ESRP2: variants seen among roughly 807,000 people sequenced by gnomAD.
The protein encoded by ESRP2 is RNA binding motif protein 35A.
Under a neutral mutation model 78.6 loss-of-function variants are expected in ESRP2, and 48 were observed. The observed-to-expected ratio is 0.61, with a 90% CI of 0.48 to 0.78. The LOEUF is 0.78. Ranked by LOEUF, ESRP2 falls within the 30% of genes least tolerant of loss-of-function variation. ESRP2 has a pLI of 0.00. For synonymous variants in ESRP2, 383 were observed against 406.7 expected (o/e 0.94, Z 0.70); for missense variants, 863 against 965.9 (o/e 0.89, Z 1.41).
In ESRP2 at chr16:68,230,554, G is replaced by A; in HGVS notation, c.1899C>T (p.Ser633=). 2 of 1,560,232 alleles carry A rather than the reference G, an allele frequency of 1.3e-6. No individual in the cohort carries two copies. Among genetic ancestry groups the A allele is most frequent in the Middle Eastern group, 1.8e-4 (1 of 5,636 alleles). ...LYLNYTAYYP[S]PPVSPTTVGY... is the part of the protein sequence containing the mutation. ...CCACAGTGGTGGGGGAGACTGGGGG[G>A]CTAGGGTGGGAGAGACAAGGTTTAG... The change falls in exon 14 of 15, where the codon AGC becomes AGT. Residue 633 remains serine, a splice_region_variant and synonymous_variant. Coordinates refer to ENST00000473183, the MANE Select transcript of ESRP2 (RefSeq NM_024939.3).
In ESRP2 at chr16:68,230,461, G is replaced by A. The variant is rs1456920507; in HGVS notation, c.1992C>T (p.Ala664=). 4.3e-6 allele frequency: 7 copies of A among 1,612,828 alleles called. No homozygotes were observed. In the East Asian group the frequency reaches 8.9e-5, roughly 21 times the overall value. ...APTSVLSQSG[A]LVRMQGVPYT... ...ATGGGACACCCTGCATGCGGACCAAGGCTCCTGACTGGGACAACACTGAGG... is the reference window on the plus strand; with the variant it reads ...ATGGGACACCCTGCATGCGGACCAAAGCTCCTGACTGGGACAACACTGAGG... The change falls in exon 14 of 15, where the codon GCC becomes GCT. Residue 664 remains alanine, a synonymous_variant. Coordinates refer to ENST00000473183, the MANE Select transcript of ESRP2 (RefSeq NM_024939.3).
At position 68,231,000 on chromosome 16, in the gene ESRP2, AAGGTGGTGTAGGT is replaced by A; in HGVS notation, c.1726_1738del (p.Thr576SerfsTer46). 1 of 1,598,244 alleles carries A rather than the reference AAGGTGGTGTAGGT, an allele frequency of 6.3e-7. No individual in the cohort carries two copies. The highest frequency in any genetic ancestry group is 8.5e-7 in the Non-Finnish European group (1 of 1,172,354). ...GGGAATGAGCGTTGGGGTGGCTTGG[AAGGTGGTGTAGGT>A]AGGTGGTGAGAGGCCTAGAGACGGA... On this transcript the variant is annotated frameshift_variant, in exon 13 of 15. Coordinates refer to ENST00000473183, the MANE Select transcript of ESRP2 (RefSeq NM_024939.3). LOFTEE classifies it high-confidence loss of function.
chr16:68,234,315 T>A (rs2042191541), intron 2 of ESRP2: 1 of 569,884 alleles, frequency 1.8e-6, no homozygotes. Flanking sequence ...CACTGTCACC[T>A]CCTCCAGGCC....
In ESRP2 at chr16:68,234,107, A is replaced by C; in HGVS notation, c.328T>G (p.Phe110Val). Residue 110 changes from phenylalanine to valine, a missense_variant and splice_region_variant, in exon 3 of 15, where the codon TTC becomes GTC. By Grantham distance (50) the Phe-to-Val change is conservative. Transcript: ENST00000473183. ...ACATCCCCGTTCACCAGCTGTGAGA[A>C]CTGGGGATAGGGAATGGGGAGAGAG... is the stretch of plus-strand genomic sequence containing the variant. Reference protein sequence around the residue: ...AEPLDKVLQQFSQLVNGDVAL... With the variant: ...AEPLDKVLQQVSQLVNGDVAL... 2 of 1,607,126 alleles carry C rather than the reference A, an allele frequency of 1.2e-6. No individual in the cohort carries two copies. Among genetic ancestry groups the C allele is most frequent in the Non-Finnish European group, 1.7e-6 (2 of 1,176,390 alleles).
rs2042184016 is a variant in ESRP2, at chr16:68,233,880, G to A, written c.444C>T (p.Asn148=). 1 of 1,613,616 alleles carries A rather than the reference G, an allele frequency of 6.2e-7. No homozygotes were observed. The highest frequency in any genetic ancestry group is 8.5e-7 in the Non-Finnish European group (1 of 1,179,608). The part of the protein sequence containing the change: ...QVLHPEASRK[N]LVLPDMFFSF... Reference sequence around the variant, plus strand: ...AGAAGAACATGTCGGGGAGCACCAGGTTCTGGGGGCACATAGGATTGAGGA... The same window carrying A: ...AGAAGAACATGTCGGGGAGCACCAGATTCTGGGGGCACATAGGATTGAGGA... Residue 148 remains asparagine (N), a splice_region_variant and synonymous_variant, in exon 4 of 15, where the codon AAC becomes AAT. Coordinates refer to ENST00000473183, the MANE Select transcript of ESRP2 (RefSeq NM_024939.3).
intron 5 of ESRP2, chr16:68,233,122 C>T (rs1478956675): frequency 3.3e-6 from 2 of 611,232 alleles, no homozygotes; most frequent in Admixed American, 5.9e-5. Flanking sequence ...TCGCTTGAAC[C>T]CGGAAAGTGG....
rs753530681 is a variant in ESRP2 at position 68,235,881 on chromosome 16, T to A, written c.165A>T (p.Leu55=). The A allele has an allele frequency of 6.8e-6, 11 of 1,611,258 alleles. No homozygotes were observed. The East Asian group carries it at 2.5e-4, about 36-fold the overall frequency. Residue 55 remains leucine, a synonymous_variant, in exon 1 of 15, where the codon CTA becomes CTT. Transcript: ENST00000473183. The surrounding 1 kb of genome is among the most constrained non-coding windows in gnomAD (Gnocchi z 5.5). The part of the protein sequence containing the change: ...LGSDETDLIL[L]VWQVVEPRSR... ...TCCGCGGCTCAACCACTTGCCAAACTAGGAGGATTAAGTCGGTCTCGTCCG... is the reference window on the plus strand; with the variant it reads ...TCCGCGGCTCAACCACTTGCCAAACAAGGAGGATTAAGTCGGTCTCGTCCG...
chr16:68,231,216 C>T lies in ESRP2; in HGVS notation c.1673G>A (p.Gly558Asp), dbSNP rs1212384012. ...GGGTGGAGGGGACATGCCACTGCGG[C>T]CCAAGGTGCCCCCCATCAGCACTCG... is the stretch of plus-strand genomic sequence containing the variant. ...MSRVLMGGTLGRSGMSPPPCK... is the reference protein window; with the variant it reads ...MSRVLMGGTLDRSGMSPPPCK... Residue 558 changes from glycine (G) to aspartate (D), a missense_variant, in exon 12 of 15, where the codon GGC (glycine) becomes GAC (aspartate). Physicochemically the swap from Gly to Asp is moderately conservative, Grantham distance 94 (BLOSUM62 -1). Coordinates refer to ENST00000473183, the MANE Select transcript of ESRP2 (RefSeq NM_024939.3). The surrounding 1 kb of genome is among the most constrained non-coding windows in gnomAD (Gnocchi z 6.0). 6.2e-7 allele frequency: 1 copy of T among 1,613,638 alleles called. No homozygotes were observed. Among genetic ancestry groups the T allele is most frequent in the African/African-American group, 1.3e-5 (1 of 74,886 alleles).
rs1161529145 is a variant in ESRP2 at position 68,232,880 on chromosome 16, C to T, written c.656-65G>A. 4 of 1,605,998 alleles carry T rather than the reference C, an allele frequency of 2.5e-6. No individual in the cohort carries two copies. The African/African-American group carries it at 4.0e-5, about 16-fold the overall frequency. On this transcript the variant is annotated intron_variant, in intron 5 of 14. Coordinates refer to ENST00000473183, the MANE Select transcript of ESRP2 (RefSeq NM_024939.3). The surrounding 1 kb of genome is among the most constrained non-coding windows in gnomAD (Gnocchi z 5.2). ...AGAGGGGTGTCCCCACCAAGTTCTG[C>T]AAAAAGTGGACAATTGAGAGAGATG...
At chr16:68,233,951 TACTG>T (rs2042185793) in intron 3 of ESRP2, 39 bp downstream of exon 3, 10 of 1,608,392 alleles carry the variant, frequency 6.2e-6, no homozygotes, top group South Asian at 5.5e-5. Context: ...CTGGGAACCT[TACTG>T]ACCACCCCAC....
rs1280232704 is a variant in ESRP2, at chr16:68,231,955, G to T, written c.1146C>A (p.Leu382=). The T allele has an allele frequency of 1.2e-6, 2 of 1,614,090 alleles. No individual in the cohort carries two copies. The highest frequency in any genetic ancestry group is 3.3e-5 in the Admixed American group (2 of 60,018). The part of the protein sequence containing the change: ...CPVTGGTEGL[L]FVRHPDGRPT... Reference sequence around the variant, plus strand: ...GCCGGCCATCAGGATGGCGCACAAAGAGCAGCCCCTCGGTACCCCCAGTCA... The same window carrying T: ...GCCGGCCATCAGGATGGCGCACAAATAGCAGCCCCTCGGTACCCCCAGTCA... Residue 382 remains leucine, a synonymous_variant, in exon 10 of 15, where the codon CTC becomes CTA. Transcript: ENST00000473183. The surrounding 1 kb of genome is among the most constrained non-coding windows in gnomAD (Gnocchi z 6.0).
rs1194703637 is a variant in ESRP2, at chr16:68,232,796, G to A, written c.675C>T (p.Pro225=). 5.6e-6 allele frequency: 9 copies of A among 1,614,142 alleles called. No homozygotes were observed. Among genetic ancestry groups the A allele is most frequent in the Admixed American group, 3.3e-5 (2 of 60,024 alleles). The part of the protein sequence containing the change: ...KEPSSQLFSK[P]EVIKQKYETG... ...TCTCGTATTTCTGCTTTATCACCTC[G>A]GGCTTCGAAAACAATTGACCTGAGA... is the stretch of plus-strand genomic sequence containing the variant. The change falls in exon 6 of 15, where the codon CCC becomes CCT. Residue 225 remains proline (P), a synonymous_variant. Coordinates refer to ENST00000473183, the MANE Select transcript of ESRP2 (RefSeq NM_024939.3). This position sits in a 1 kb window ranked among gnomAD's most constrained non-coding sequence, Gnocchi z 5.2.
Position 68,231,496 on chromosome 16 carries a change from C to T in ESRP2, c.1498G>A (p.Val500Met), listed in dbSNP as rs1287994453. 1 of 1,614,052 alleles carries T rather than the reference C, an allele frequency of 6.2e-7. No homozygotes were observed. The highest frequency in any genetic ancestry group is 2.2e-5 in the East Asian group (1 of 44,866). Residue 500 changes from valine (V) to methionine (M), a missense_variant, in exon 11 of 15, where the codon GTG becomes ATG. Coordinates refer to ENST00000473183, the MANE Select transcript of ESRP2 (RefSeq NM_024939.3). This position sits in a 1 kb window ranked among gnomAD's most constrained non-coding sequence, Gnocchi z 6.0. Reference protein sequence around the residue: ...ADIRPHGVHMVLNQQGRPSGD... With the variant: ...ADIRPHGVHMMLNQQGRPSGD... ...AGTGGCTTCACCTGCTGGTTGAGCA[C>T]CATGTGTACACCGTGGGGCCGAATG... is the stretch of plus-strand genomic sequence containing the variant.
In ESRP2 at chr16:68,232,979, A is replaced by G. The variant is rs929776898; in HGVS notation, c.656-164T>C. ...TTTGGGAGGCCAAGGTGGGTGGATC[A>G]TTTGAGGTCAGGAGTTCCAGACCAG... is the stretch of plus-strand genomic sequence containing the variant. On this transcript the variant is annotated intron_variant, in intron 5 of 14. Coordinates refer to ENST00000473183, the MANE Select transcript of ESRP2 (RefSeq NM_024939.3). This position sits in a 1 kb window ranked among gnomAD's most constrained non-coding sequence, Gnocchi z 5.2. Among the ~76,000 whole-genome samples the G allele has an allele frequency of 5.5e-4, 83 of 152,172 alleles. No homozygotes were observed. The highest frequency in any genetic ancestry group is 2.6e-4 in the Non-Finnish European group (18 of 68,026).
In ESRP2 at chr16:68,235,256, GGTGACCTATAT is replaced by G. The variant is rs1445594185; in HGVS notation, c.327+367_327+377del. 1 of 985,338 alleles carries G rather than the reference GGTGACCTATAT, an allele frequency of 1.0e-6. No homozygotes were observed. Among genetic ancestry groups the G allele is most frequent in the East Asian group, 1.1e-4 (1 of 8,822 alleles). 61.0% of individuals were successfully genotyped at this position (985,338 alleles called of 1,614,324 possible). ...GCCGAAGACGCGGGCCGCAAGGACA[GGTGACCTATAT>G]GGGCCCCTCGACCCCTTTCGCTTCC... On this transcript the variant is annotated intron_variant, in intron 2 of 14. Coordinates refer to ENST00000473183, the MANE Select transcript of ESRP2 (RefSeq NM_024939.3). The surrounding 1 kb of genome is among the most constrained non-coding windows in gnomAD (Gnocchi z 5.5).
At position 68,231,262 on chromosome 16, in the gene ESRP2, A is replaced by G. The variant is rs781448145; in HGVS notation, c.1627T>C (p.Cys543Arg). ...MKERYVEVVP[C>R]STEEMSRVLM... ...ACTCGGCTCATCTCCTCTGTGGAAC[A>G]GGGGACCACCTCCACGTAGCGCTCC... Residue 543 changes from cysteine to arginine, a missense_variant, in exon 12 of 15, where the codon TGT (cysteine) becomes CGT (arginine). Transcript: ENST00000473183. This position sits in a 1 kb window ranked among gnomAD's most constrained non-coding sequence, Gnocchi z 6.0. 5.6e-6 allele frequency: 9 copies of G among 1,613,894 alleles called. No homozygotes were observed. The highest frequency in any genetic ancestry group is 5.3e-5 in the African/African-American group (4 of 74,884).
chr16:68,231,711 C>T lies in ESRP2; in HGVS notation c.1300-17G>A. The T allele has an allele frequency of 6.3e-7, 1 of 1,595,874 alleles. No individual in the cohort carries two copies. ...GTTCAAGACCTAGTAAGGAAGGCAG[C>T]AACAGGCTGGTCATGCCAAGTAGGG... On this transcript the variant is annotated splice_polypyrimidine_tract_variant and intron_variant, in intron 10 of 14. Coordinates refer to ENST00000473183, the MANE Select transcript of ESRP2 (RefSeq NM_024939.3). The surrounding 1 kb of genome is among the most constrained non-coding windows in gnomAD (Gnocchi z 6.0).
At position 68,231,509 on chromosome 16, in the gene ESRP2, G is replaced by A. The variant is rs151210813; in HGVS notation, c.1485C>T (p.His495=). The A allele has an allele frequency of 3.1e-5, 50 of 1,614,054 alleles. 1 individual carries two copies. Among genetic ancestry groups the A allele is most frequent in the African/African-American group, 2.1e-4 (16 of 75,004 alleles). ...GCTGGTTGAGCACCATGTGTACACC[G>A]TGGGGCCGAATGTCAGCTGCTGCCT... is the stretch of plus-strand genomic sequence containing the variant. The part of the protein sequence containing the change: ...LGEAAADIRP[H]GVHMVLNQQG... Residue 495 remains histidine, a synonymous_variant, in exon 11 of 15, where the codon CAC becomes CAT. Transcript: ENST00000473183. The surrounding 1 kb of genome is among the most constrained non-coding windows in gnomAD (Gnocchi z 6.0).
Position 68,235,239 on chromosome 16 carries a change from C to T in ESRP2, c.327+395G>A. The T allele has an allele frequency of 1.0e-6, 1 of 985,454 alleles. No homozygotes were observed. The highest frequency in any genetic ancestry group is 1.2e-6 in the Non-Finnish European group (1 of 829,926). 61.0% of individuals were successfully genotyped at this position (985,454 alleles called of 1,614,324 possible). A position where few individuals can be genotyped will look rare whatever the true frequency, so the allele number is the denominator to read the frequency against. ...CAGCAGCTCCCAAGCAGGCCGAAGA[C>T]GCGGGCCGCAAGGACAGGTGACCTA... is the stretch of plus-strand genomic sequence containing the variant. On this transcript the variant is annotated intron_variant, in intron 2 of 14. Transcript: ENST00000473183. This position sits in a 1 kb window ranked among gnomAD's most constrained non-coding sequence, Gnocchi z 5.5.
Sources: gnomAD v4.1 joint callset for allele counts (sites outside exome capture counted in the v4.1 genomes callset) on GRCh38, gnomAD v4.1.1 for gene constraint, Gnocchi (gnomAD v3.1) non-coding constraint, MANE v1.5 for transcripts, NCBI Gene and HGNC (gene_info 2026-07-23, HGNC 2026-07-21) for gene names.